LINGO2: variants seen among roughly 807,000 people sequenced by gnomAD.
The protein encoded by LINGO2 is leucine rich repeat and Ig domain containing 2, also known as leucine-rich repeat and immunoglobulin-like domain-containing nogo receptor-interacting protein 2.
Under a neutral mutation model 30.6 loss-of-function variants are expected in LINGO2, and 14 were observed. The ratio of observed to expected loss-of-function variants is 0.46; its 90% CI spans 0.30 to 0.72. LINGO2 has a LOEUF of 0.72. Among genes scored for constraint, LINGO2 ranks in the 30% least tolerant of loss-of-function variants. The pLI is 0.07. For missense variants in LINGO2, 729 were observed against 751.7 expected (o/e 0.97, Z 0.35); for synonymous variants, 317 against 288.5 (o/e 1.10, Z -1.00).
intron 4 of LINGO2, among the ~76,000 whole-genome samples, chr9:28,048,477 T>TA (rs1483843401): frequency 6.6e-6 from 1 of 150,886 alleles, no homozygotes; most frequent in South Asian, 2.1e-4. Flanking sequence ...AGTCACCTAT[T>TA]AAAAAAGCAA....
At chr9:28,616,288 G>C (rs1381746909) in intron 1 of LINGO2, among the ~76,000 whole-genome samples, 1 of 152,162 alleles carries the variant, frequency 6.6e-6, no homozygotes, top group Admixed American at 6.5e-5. Context: ...AATAAGCAAA[G>C]GAAAGATTTT....
chr9:28,096,566 T>C (rs1438386472), intron 4 of LINGO2, among the ~76,000 whole-genome samples: 1 of 152,084 alleles, frequency 6.6e-6, no homozygotes, highest in Admixed American at 6.6e-5. Flanking sequence ...GGCTTTGTAG[T>C]GCCTAGACAG....
chr9:28,226,668 A>C (rs1821172124), intron 4 of LINGO2, among the ~76,000 whole-genome samples: 1 of 94,642 alleles, frequency 1.1e-5, no homozygotes, highest in Non-Finnish European at 2.0e-5. Context: ...AGAAAGAAAG[A>C]AAGAAAGAAA....
chr9:29,110,838 T>C, the LINGO2 span, among the ~76,000 whole-genome samples: 10 of 150,606 alleles, frequency 6.6e-5, no homozygotes, highest in South Asian at 8.4e-4. Context: ...CTACAGGCGC[T>C]CGCCACCACG....
chr9:28,848,397 G>GTGTATATATA, the LINGO2 span, among the ~76,000 whole-genome samples: 224 of 48,382 alleles, frequency 4.6e-3, 1 homozygote, highest in Non-Finnish European at 8.0e-3. Flanking sequence ...GTGTGTGTGT[G>GTGTATATATA]TATATATATA....
chr9:28,004,214 C>A (rs1274861369), intron 5 of LINGO2, among the ~76,000 whole-genome samples: 2 of 151,874 alleles, frequency 1.3e-5, no homozygotes, highest in African/African-American at 4.9e-5. Context: ...AACAATTAAT[C>A]ATTTCCCATG....
At chr9:28,798,276 G>GA in the LINGO2 span, among the ~76,000 whole-genome samples, 119,860 of 150,980 alleles carry the variant, frequency 0.79, 47,533 homozygotes, top group East Asian at 0.89. Context: ...TAGTAGGATG[G>GA]AAAAAAAAAC....
chr9:29,152,491 A>C, the LINGO2 span, among the ~76,000 whole-genome samples: 1 of 152,194 alleles, frequency 6.6e-6, no homozygotes, highest in Admixed American at 6.5e-5. Flanking sequence ...AAAGAACTAA[A>C]TTGTGTCCTC....
the LINGO2 span, among the ~76,000 whole-genome samples, chr9:28,989,853 G>T: frequency 6.6e-6 from 1 of 152,124 alleles, no homozygotes; most frequent in African/African-American, 2.4e-5. Context: ...TTTCTGGCTG[G>T]TGGGCATGGA....
intron 1 of LINGO2, among the ~76,000 whole-genome samples, chr9:28,638,276 TTC>T (rs1355704866): frequency 6.6e-6 from 1 of 152,308 alleles, no homozygotes; most frequent in East Asian, 1.9e-4. Flanking sequence ...TGGTCTAAAA[TTC>T]TCTTTTTTTG....
the LINGO2 span, among the ~76,000 whole-genome samples, chr9:28,994,235 T>G: frequency 9.2e-5 from 14 of 152,084 alleles, no homozygotes; most frequent in African/African-American, 1.9e-4. Context: ...CAGACAAACA[T>G]AGAGCCAAAT....
intron 4 of LINGO2, among the ~76,000 whole-genome samples, chr9:28,173,449 T>C (rs1328150268): frequency 6.6e-6 from 1 of 152,186 alleles, no homozygotes; most frequent in African/African-American, 2.4e-5. Flanking sequence ...AATAAAACTC[T>C]TCTTTTTATT....
chr9:27,958,366 T>G (rs7866270), intron 5 of LINGO2, among the ~76,000 whole-genome samples: 8,519 of 152,158 alleles, frequency 0.056, 767 homozygotes, highest in African/African-American at 0.19. Flanking sequence ...ATTTGGTCAG[T>G]AGTTTTTCTA....
intron 4 of LINGO2, among the ~76,000 whole-genome samples, chr9:28,194,039 A>C (rs1819921082): frequency 6.6e-6 from 1 of 152,192 alleles, no homozygotes; most frequent in African/African-American, 2.4e-5. Context: ...TTCTACTTTA[A>C]TCTGTTGGTC....
chr9:28,705,396 G>A, the LINGO2 span, among the ~76,000 whole-genome samples: 3 of 152,076 alleles, frequency 2.0e-5, no homozygotes, highest in South Asian at 2.1e-4. Context: ...GACTTCACAA[G>A]TGTCTCTTCA....
At chr9:28,109,260 C>T (rs1205891228) in intron 4 of LINGO2, among the ~76,000 whole-genome samples, 1 of 152,128 alleles carries the variant, frequency 6.6e-6, no homozygotes, top group Non-Finnish European at 1.5e-5. Flanking sequence ...ATAGTAAGAG[C>T]TATTTATGTC....
At chr9:28,617,845 C>T (rs1397410087) in intron 1 of LINGO2, among the ~76,000 whole-genome samples, 4 of 152,054 alleles carry the variant, frequency 2.6e-5, no homozygotes, top group Non-Finnish European at 5.9e-5. Flanking sequence ...TAAAATTCTA[C>T]TTATGTCTTT....
At chr9:28,310,960 A>G (rs990028001) in intron 3 of LINGO2, among the ~76,000 whole-genome samples, 1 of 152,200 alleles carries the variant, frequency 6.6e-6, no homozygotes, top group African/African-American at 2.4e-5. Context: ...AAGTTCAACA[A>G]TACTAATATT....
chr9:28,187,437 C>G (rs1007646709), intron 4 of LINGO2, among the ~76,000 whole-genome samples: 6 of 150,216 alleles, frequency 4.0e-5, no homozygotes, highest in Admixed American at 2.7e-4. Flanking sequence ...TTGCAGTGAG[C>G]TGAGATGGCG....
Sources: allele counts gnomAD v4.1 joint callset (sites outside exome capture counted in the v4.1 genomes callset), GRCh38; gene constraint gnomAD v4.1.1; transcripts MANE v1.5; gene names NCBI Gene and HGNC (gene_info 2026-07-23, HGNC 2026-07-21).